The following CDH11 variants were observed in gnomAD, a reference collection of about 807,000 sequenced individuals.
CDH11 encodes cadherin-11.
A neutral mutation model predicts 67.8 loss-of-function variants in CDH11; 11 were observed. That is an observed-to-expected ratio of 0.16 (90% CI 0.10 to 0.27). CDH11 has a LOEUF of 0.27. Ranked by LOEUF, CDH11 falls within the 10% of genes least tolerant of loss-of-function variation. CDH11 has a pLI of 1.00. For synonymous variants in CDH11, 419 were observed against 400.0 expected (o/e 1.05, Z -0.57); for missense variants, 847 against 1,031.2 (o/e 0.82, Z 2.45).
chr16:64,948,586 A>C (rs1394114641), intron 12 of CDH11: 1 of 1,588,604 alleles, frequency 6.3e-7, no homozygotes. Flanking sequence ...TTGGTCCTAT[A>C]CTAACTTAAT....
intron 1 of CDH11, among the ~76,000 whole-genome samples, chr16:65,063,022 TCA>T (rs1021792379): frequency 6.6e-6 from 1 of 152,232 alleles, no homozygotes; most frequent in African/African-American, 2.4e-5. Flanking sequence ...TTAAAATGTT[TCA>T]GTTTCGCGTT....
chr16:65,099,817 AG>A (rs1437826302), intron 1 of CDH11, among the ~76,000 whole-genome samples: 1 of 152,120 alleles, frequency 6.6e-6, no homozygotes, highest in Non-Finnish European at 1.5e-5. Flanking sequence ...GCCTCCAAGC[AG>A]GGGTAATATG....
intron 11 of CDH11, among the ~76,000 whole-genome samples, chr16:64,954,167 G>C (rs570109135): frequency 5.0e-4 from 76 of 152,270 alleles, no homozygotes; most frequent in African/African-American, 1.7e-3. Context: ...AGTCCTCTCC[G>C]ACACACAGAA....
chr16:65,066,807 A>G (rs533519317), intron 1 of CDH11, among the ~76,000 whole-genome samples: 2 of 152,366 alleles, frequency 1.3e-5, no homozygotes, highest in Admixed American at 6.5e-5. Flanking sequence ...TGTCATCTGC[A>G]TCGTGTTTAT....
chr16:64,982,360 A>T, intron 7 of CDH11, 59 bp from the exon 8 acceptor site: 1 of 1,343,682 alleles, frequency 7.4e-7, no homozygotes, highest in Non-Finnish European at 1.1e-6. Flanking sequence ...TGGAAGAGAA[A>T]GACCCGATTG....
chr16:65,056,702 G>C (rs1228141573), intron 1 of CDH11, among the ~76,000 whole-genome samples: 4 of 152,162 alleles, frequency 2.6e-5, no homozygotes, highest in African/African-American at 4.8e-5. Flanking sequence ...TTGGAATCCA[G>C]CAGTGCTGAC....
intron 2 of CDH11, among the ~76,000 whole-genome samples, chr16:65,029,225 T>C (rs947496073): frequency 6.6e-6 from 1 of 152,126 alleles, no homozygotes; most frequent in African/African-American, 2.4e-5. Flanking sequence ...GTAAGCAGAA[T>C]ATTGGCTTTT....
intron 1 of CDH11, among the ~76,000 whole-genome samples, chr16:65,109,614 A>G (rs954849238): frequency 2.0e-5 from 3 of 152,130 alleles, no homozygotes; most frequent in Non-Finnish European, 2.9e-5. Flanking sequence ...TCATGCACCC[A>G]TCAATGCCGA....
chr16:65,117,416 C>T (rs761771887), intron 1 of CDH11, among the ~76,000 whole-genome samples: 16 of 152,222 alleles, frequency 1.1e-4, no homozygotes, highest in Non-Finnish European at 2.1e-4. Flanking sequence ...CACTATCAAA[C>T]AGGAGCAAAT....
chr16:64,988,437 A>T (rs530544510), intron 6 of CDH11, 93 bp from the exon 7 acceptor site: 3 of 1,203,788 alleles, frequency 2.5e-6, no homozygotes, highest in South Asian at 1.6e-5. Flanking sequence ...TTCTCAAAGG[A>T]TTTGAAATTG....
At chr16:64,974,563 G>A (rs762624543) in intron 8 of CDH11, among the ~76,000 whole-genome samples, 3 of 152,104 alleles carry the variant, frequency 2.0e-5, no homozygotes, top group Non-Finnish European at 2.9e-5. Flanking sequence ...GCACTTCACA[G>A]TATACAAACA....
chr16:65,038,498 C>T (rs1392445577), intron 2 of CDH11, among the ~76,000 whole-genome samples: 1 of 152,130 alleles, frequency 6.6e-6, no homozygotes, highest in African/African-American at 2.4e-5. Context: ...TTAATCTAAA[C>T]ATGCAACTTA....
At chr16:65,068,685 C>T (rs906063944) in intron 1 of CDH11, among the ~76,000 whole-genome samples, 7 of 152,152 alleles carry the variant, frequency 4.6e-5, no homozygotes, top group Non-Finnish European at 2.9e-5. Flanking sequence ...GATGGATTTA[C>T]TTGAACAGTT....
intron 1 of CDH11, among the ~76,000 whole-genome samples, chr16:65,087,811 C>A (rs991641484): frequency 1.3e-5 from 2 of 152,146 alleles, no homozygotes; most frequent in South Asian, 2.1e-4. Context: ...GTGACACAGG[C>A]ACATTTAATA....
At chr16:64,998,971 GTTCT>G in intron 3 of CDH11, 115 bp from the exon 4 acceptor site, 4 of 842,306 alleles carry the variant, frequency 4.7e-6, no homozygotes, top group South Asian at 1.7e-5. Context: ...AAAGGGAGAT[GTTCT>G]CATCTCCATT....
At chr16:65,031,977 G>A (rs921272475) in intron 2 of CDH11, among the ~76,000 whole-genome samples, 2 of 152,128 alleles carry the variant, frequency 1.3e-5, no homozygotes, top group Non-Finnish European at 2.9e-5. Context: ...GAAGCAGAGT[G>A]TCTAAGACTC....
chr16:65,003,582 T>A (rs1219329134), intron 3 of CDH11, among the ~76,000 whole-genome samples: 1 of 152,216 alleles, frequency 6.6e-6, no homozygotes, highest in East Asian at 1.9e-4. Flanking sequence ...AGTTTTAATG[T>A]CACTATCATC....
At chr16:65,083,483 A>C (rs910790553) in intron 1 of CDH11, among the ~76,000 whole-genome samples, 2 of 152,228 alleles carry the variant, frequency 1.3e-5, no homozygotes, top group Non-Finnish European at 2.9e-5. Flanking sequence ...AAAGCTGAGA[A>C]GGGTGTGTCC....
intron 1 of CDH11, among the ~76,000 whole-genome samples, chr16:65,120,901 C>G (rs12598660): frequency 6.6e-6 from 1 of 152,078 alleles, no homozygotes; most frequent in African/African-American, 2.4e-5. Flanking sequence ...TACAGTTCCT[C>G]TGGGTTGGGG....
Sources: allele counts gnomAD v4.1 joint callset (sites outside exome capture counted in the v4.1 genomes callset), GRCh38; gene constraint gnomAD v4.1.1; transcripts MANE v1.5; gene names NCBI Gene and HGNC (gene_info 2026-07-23, HGNC 2026-07-21).